PIGN: variants seen among roughly 807,000 people sequenced by gnomAD.
The protein encoded by PIGN is GPI ethanolamine phosphate transferase 1.
A neutral mutation model predicts 125.4 loss-of-function variants in PIGN; 117 were observed. The ratio of observed to expected loss-of-function variants is 0.93; its 90% CI spans 0.80 to 1.09. The LOEUF is 1.09. Ranked by LOEUF, PIGN falls within the 50% of genes least tolerant of loss-of-function variation. PIGN has a pLI of 0.00. For synonymous variants in PIGN, 392 were observed against 377.8 expected (o/e 1.04, Z -0.44); for missense variants, 1,075 against 1,094.9 (o/e 0.98, Z 0.26).
chr18:62,123,904 T>C (rs115754159), intron 14 of PIGN, among the ~76,000 whole-genome samples: 10,140 of 147,520 alleles, frequency 0.069, 638 homozygotes, highest in African/African-American at 0.17. Context: ...TAACTCATTA[T>C]ATCTTCTGTG....
chr18:62,137,455 G>A (rs1339173949), intron 14 of PIGN: 4 of 194,904 alleles, frequency 2.1e-5, no homozygotes, highest in African/African-American at 7.0e-5. Flanking sequence ...TATCCTATTA[G>A]TTCTGTCCCT....
At chr18:62,021,045 G>T (rs767109677) in intron 23 of PIGN, among the ~76,000 whole-genome samples, 1 of 151,834 alleles carries the variant, frequency 6.6e-6, no homozygotes, top group Admixed American at 6.6e-5. Flanking sequence ...ATATTCTTTC[G>T]GGGTGAATAA....
At position 62,076,414 on chromosome 18, in the gene PIGN, C is replaced by G. The variant is rs964437082; in HGVS notation, c.2577-1593G>C. Among the ~76,000 whole-genome samples the G allele has an allele frequency of 1.1e-4, 16 of 152,204 alleles. No homozygotes were observed. The East Asian group carries it at 3.1e-3, about 29-fold the overall frequency. On this transcript the variant is annotated intron_variant, in intron 28 of 30. Coordinates refer to ENST00000640252, the MANE Select transcript of PIGN (RefSeq NM_176787.5). ...AGATACTAGTCTTTTGTCAGATAACCTGGTTTGTAAATATTTTCTCCCAGT... is the reference window on the plus strand; with the variant it reads ...AGATACTAGTCTTTTGTCAGATAACGTGGTTTGTAAATATTTTCTCCCAGT...
intron 23 of PIGN, among the ~76,000 whole-genome samples, chr18:62,035,687 C>A: frequency 6.6e-6 from 1 of 151,922 alleles, no homozygotes; most frequent in African/African-American, 2.4e-5. Context: ...TCCCCCCACC[C>A]CACAACAGGC....
rs149736174 is a variant in PIGN, at chr18:62,149,992, CTGT to C, written c.550-1657_550-1655del. 5.0e-3 allele frequency among the ~76,000 whole-genome samples: 756 copies of C among 152,146 alleles called. 10 individuals are homozygous for C. Among genetic ancestry groups the C allele is most frequent in the African/African-American group, 0.017 (720 of 41,496 alleles). On this transcript the variant is annotated intron_variant, in intron 7 of 30. Coordinates refer to ENST00000640252, the MANE Select transcript of PIGN (RefSeq NM_176787.5). Reference sequence around the variant, plus strand: ...ACAATTCCCTGATAAGAGTTTGTTGCTGTTGTTGTTGTTGAGACAGTCTCTATC... The same window carrying C: ...ACAATTCCCTGATAAGAGTTTGTTGCTGTTGTTGTTGAGACAGTCTCTATC...
At position 62,145,951 on chromosome 18, in the gene PIGN, G is replaced by A. The variant is rs374267642; in HGVS notation, c.880C>T (p.Gln294Ter). Residue 294 changes from glutamine to a stop codon, truncating the protein, a stop_gained, in exon 10 of 31, where the codon CAA becomes TAA. Coordinates refer to ENST00000640252, the MANE Select transcript of PIGN (RefSeq NM_176787.5). LOFTEE classifies it high-confidence loss of function. Reference sequence around the variant, plus strand: ...TCAAATTGCTGAGCTGATACTCTTTGGGGATACTTGATTCCAGCTCCCCAA... The same window carrying A: ...TCAAATTGCTGAGCTGATACTCTTTAGGGATACTTGATTCCAGCTCCCCAA... ...VTWGAGIKYPQRVSAQQFDDA... is the reference protein window; with the variant it reads ...VTWGAGIKYP 1.2e-6 allele frequency: 2 copies of A among 1,607,798 alleles called. No homozygotes were observed. The highest frequency in any genetic ancestry group is 1.7e-6 in the Non-Finnish European group (2 of 1,175,426).
chr18:62,121,726 T>C (rs1027790048), intron 14 of PIGN, among the ~76,000 whole-genome samples: 6 of 152,142 alleles, frequency 3.9e-5, no homozygotes, highest in Non-Finnish European at 5.9e-5. Flanking sequence ...ATGAATAACA[T>C]TGCATCATGT....
chr18:62,067,625 G>T (rs1254529498), intron 30 of PIGN, among the ~76,000 whole-genome samples: 1 of 152,150 alleles, frequency 6.6e-6, no homozygotes, highest in Non-Finnish European at 1.5e-5. Flanking sequence ...GTATCTGATA[G>T]TCATCCATGT....
intron 10 of PIGN, among the ~76,000 whole-genome samples, chr18:62,144,344 C>CT (rs1164793965): frequency 6.6e-6 from 1 of 152,194 alleles, no homozygotes; most frequent in Non-Finnish European, 1.5e-5. Context: ...TGGCAATGCT[C>CT]TAACAGGCTT....
chr18:62,174,141 G>A (rs2037437482), intron 1 of PIGN, among the ~76,000 whole-genome samples: 1 of 151,492 alleles, frequency 6.6e-6, no homozygotes, highest in Non-Finnish European at 1.5e-5. Flanking sequence ...TTGAATCTGG[G>A]AGGCGGAGTT....
At chr18:62,104,493 G>A (rs556881729) in intron 20 of PIGN, among the ~76,000 whole-genome samples, 2 of 152,272 alleles carry the variant, frequency 1.3e-5, no homozygotes, top group Admixed American at 6.5e-5. Context: ...TATAGGTTAT[G>A]ACAGTTGCAA....
intron 25 of PIGN, chr18:62,088,551 A>G (rs927251948): frequency 6.3e-6 from 2 of 316,570 alleles, no homozygotes; most frequent in Non-Finnish European, 1.1e-5. Context: ...TAGCAGGAAT[A>G]TATATATATA....
chr18:62,047,213 C>T (rs1412539039), intron 30 of PIGN, among the ~76,000 whole-genome samples: 2 of 152,214 alleles, frequency 1.3e-5, no homozygotes, highest in Non-Finnish European at 2.9e-5. Flanking sequence ...TCCATCCTCA[C>T]CAGGCTATAA....
intron 2 of PIGN, among the ~76,000 whole-genome samples, chr18:62,163,147 A>G (rs1001611437): frequency 6.6e-6 from 1 of 152,166 alleles, no homozygotes; most frequent in Non-Finnish European, 1.5e-5. Flanking sequence ...CCTGCTAGCC[A>G]GTAAGGGTGT....
At chr18:62,081,930 C>A (rs2033468354) in intron 28 of PIGN, among the ~76,000 whole-genome samples, 1 of 152,096 alleles carries the variant, frequency 6.6e-6, no homozygotes, top group Non-Finnish European at 1.5e-5. Context: ...TTATACTCAT[C>A]AAGAACAACA....
chr18:62,072,948 A>T (rs540687134), intron 29 of PIGN, among the ~76,000 whole-genome samples: 3 of 152,314 alleles, frequency 2.0e-5, no homozygotes, highest in Non-Finnish European at 4.4e-5. Context: ...CACAAAAGTG[A>T]CATTTCTGAA....
At position 62,109,881 on chromosome 18, in the gene PIGN, A is replaced by G. The variant is rs192106162; in HGVS notation, c.1527T>C (p.Tyr509=). 6.2e-7 allele frequency: 1 copy of G among 1,613,140 alleles called. No homozygotes were observed. The highest frequency in any genetic ancestry group is 8.5e-7 in the Non-Finnish European group (1 of 1,179,300). ...TTGGCAGTGGCAACAAACCATATACATAATATGTCCAGGGACAGGCTTGAA... is the reference window on the plus strand; with the variant it reads ...TTGGCAGTGGCAACAAACCATATACGTAATATGTCCAGGGACAGGCTTGAA... ...LLIQACPWTY[Y]VYGLLPLPIW... The change falls in exon 17 of 31, where the codon TAT becomes TAC. Residue 509 remains tyrosine (Y), a synonymous_variant. Transcript: ENST00000640252.
chr18:62,139,091 A>G lies in PIGN; in HGVS notation c.1024-16T>C, dbSNP rs1260057906. The G allele has an allele frequency of 2.7e-6, 4 of 1,489,304 alleles. No individual in the cohort carries two copies. Among genetic ancestry groups the G allele is most frequent in the African/African-American group, 1.4e-5 (1 of 72,684 alleles). 92.3% of individuals were successfully genotyped at this position (1,489,304 alleles called of 1,614,324 possible). ...GAAGGATTCCCTGAAAATAACAAAC[A>G]CCAGCTTATTGATAGTATTCAGACA... On this transcript the variant is annotated splice_polypyrimidine_tract_variant and intron_variant, in intron 12 of 30. Transcript: ENST00000640252.
intron 30 of PIGN, 113 bp from the exon 31 acceptor site, chr18:62,046,092 G>T: frequency 9.2e-7 from 1 of 1,091,832 alleles, no homozygotes; most frequent in Non-Finnish European, 1.3e-6. Flanking sequence ...TTCAGGAGCT[G>T]GAGTGGGTGT....
Sources: gnomAD v4.1 joint callset for allele counts (sites outside exome capture counted in the v4.1 genomes callset) on GRCh38, gnomAD v4.1.1 for gene constraint, MANE v1.5 for transcripts, NCBI Gene and HGNC (gene_info 2026-07-23, HGNC 2026-07-21) for gene names.